HCRTR2: variants seen among roughly 807,000 people sequenced by gnomAD.
HCRTR2 encodes the protein orexin receptor type 2.
Under a neutral mutation model 49.0 loss-of-function variants are expected in HCRTR2, and 22 were observed. The ratio of observed to expected loss-of-function variants is 0.45; its 90% CI spans 0.32 to 0.64. HCRTR2 has a LOEUF of 0.64. Ranked by LOEUF, HCRTR2 falls within the 30% of genes least tolerant of loss-of-function variation. The pLI is 0.04. For missense variants in HCRTR2, 491 were observed against 559.4 expected (o/e 0.88, Z 1.23); for synonymous variants, 236 against 205.3 (o/e 1.15, Z -1.28).
chr6:55,230,993 A>G (rs1324053143), intron 1 of HCRTR2, among the ~76,000 whole-genome samples: 1 of 152,138 alleles, frequency 6.6e-6, no homozygotes, highest in Non-Finnish European at 1.5e-5. Context: ...GTTAGTTGGT[A>G]CTTCCCATAA....
chr6:55,171,398 T>A (rs1256153568), upstream of HCRTR2, among the ~76,000 whole-genome samples: 3 of 152,158 alleles, frequency 2.0e-5, no homozygotes, highest in Non-Finnish European at 2.9e-5. Context: ...TGATTCCTTT[T>A]CCCTACATCC....
intron 1 of HCRTR2, among the ~76,000 whole-genome samples, chr6:55,144,956 G>A (rs1764558835): frequency 6.6e-6 from 1 of 152,060 alleles, no homozygotes; most frequent in Admixed American, 6.5e-5. Context: ...TATTCAAACT[G>A]TCTTTTCTTC....
At chr6:55,227,993 T>C (rs1441375879) in intron 1 of HCRTR2, among the ~76,000 whole-genome samples, 2 of 152,102 alleles carry the variant, frequency 1.3e-5, no homozygotes, top group African/African-American at 4.8e-5. Context: ...GATGAGGTGG[T>C]AGCTTACTTG....
At chr6:55,219,894 G>T (rs1765857710) in intron 1 of HCRTR2, among the ~76,000 whole-genome samples, 2 of 151,912 alleles carry the variant, frequency 1.3e-5, no homozygotes, top group South Asian at 4.1e-4. Flanking sequence ...GAACAATAAA[G>T]ATTTGCAGGC....
intron 6 of HCRTR2, among the ~76,000 whole-genome samples, chr6:55,281,754 G>A (rs144822647): frequency 1.3e-5 from 2 of 152,196 alleles, no homozygotes; most frequent in Admixed American, 6.5e-5. Flanking sequence ...GGATATTTGA[G>A]TGTATGTTTC....
chr6:55,268,945 C>G (rs1766915519), intron 4 of HCRTR2, among the ~76,000 whole-genome samples: 1 of 151,594 alleles, frequency 6.6e-6, no homozygotes, highest in Non-Finnish European at 1.5e-5. Flanking sequence ...AAAAAATTAG[C>G]CGGGTGAGGT....
At chr6:55,113,503 C>T (rs568613058) in intron 1 of HCRTR2, among the ~76,000 whole-genome samples, 42 of 152,028 alleles carry the variant, frequency 2.8e-4, no homozygotes, top group African/African-American at 9.6e-4. Context: ...AGAAGATACA[C>T]AAATGGCCAA....
intron 1 of HCRTR2, among the ~76,000 whole-genome samples, chr6:55,144,017 C>T (rs1411751874): frequency 6.6e-6 from 1 of 151,354 alleles, no homozygotes; most frequent in Non-Finnish European, 1.5e-5. Flanking sequence ...AAAAGGGAAC[C>T]ACAACAGAGC....
intron 1 of HCRTR2, among the ~76,000 whole-genome samples, chr6:55,144,708 G>A (rs529892723): frequency 7.0e-6 from 1 of 143,490 alleles, no homozygotes; most frequent in African/African-American, 2.5e-5. Flanking sequence ...CCACCCACCC[G>A]CCAGTACCCC....
intron 4 of HCRTR2, among the ~76,000 whole-genome samples, chr6:55,275,238 G>C (rs1323377886): frequency 1.3e-5 from 2 of 152,068 alleles, no homozygotes; most frequent in African/African-American, 4.8e-5. Context: ...CATTAAATAT[G>C]ATTTATAAAG....
chr6:55,231,099 A>T (rs1024862524), intron 1 of HCRTR2, among the ~76,000 whole-genome samples: 1 of 152,100 alleles, frequency 6.6e-6, no homozygotes, highest in African/African-American at 2.4e-5. Flanking sequence ...GTTTTTCTAA[A>T]ACACATTATC....
intron 1 of HCRTR2, among the ~76,000 whole-genome samples, chr6:55,181,636 A>C (rs1765135994): frequency 6.6e-6 from 1 of 152,140 alleles, no homozygotes; most frequent in Non-Finnish European, 1.5e-5. Flanking sequence ...GTCTTTTTTA[A>C]TGAAAAAAAA....
intron 1 of HCRTR2, among the ~76,000 whole-genome samples, chr6:55,206,648 C>A (rs1301614811): frequency 6.6e-6 from 1 of 151,798 alleles, no homozygotes; most frequent in African/African-American, 2.4e-5. Flanking sequence ...AGAATTAAGG[C>A]TTATGTTCTT....
At chr6:55,235,720 G>T (rs1438207832) in intron 1 of HCRTR2, among the ~76,000 whole-genome samples, 1 of 151,988 alleles carries the variant, frequency 6.6e-6, no homozygotes, top group African/African-American at 2.4e-5. Flanking sequence ...AGTATCATTT[G>T]TAGAAAAGAT....
At position 55,176,479 on chromosome 6, in the gene HCRTR2, T is replaced by C. The variant is rs114095079; in HGVS notation, c.223+1669T>C. On this transcript the variant is annotated intron_variant, in intron 1 of 6. Coordinates refer to ENST00000370862, the MANE Select transcript of HCRTR2 (RefSeq NM_001384272.1). ...CTCTTAAGACACATGGCTACCAGCA[T>C]AGCAACATTTTACTGCATTATGCCA... is the stretch of plus-strand genomic sequence containing the variant. Among the ~76,000 whole-genome samples, 1,175 of 152,288 alleles carry C rather than the reference T, an allele frequency of 7.7e-3. 9 individuals are homozygous for C. The highest frequency in any genetic ancestry group is 0.027 in the African/African-American group (1,102 of 41,566).
chr6:55,140,659 C>T (rs1000939454), intron 1 of HCRTR2, among the ~76,000 whole-genome samples: 6 of 152,136 alleles, frequency 3.9e-5, no homozygotes, highest in African/African-American at 1.2e-4. Flanking sequence ...TACTCTCTCT[C>T]ACACAAACAC....
chr6:55,172,335 A>G (rs887595469), upstream of HCRTR2, among the ~76,000 whole-genome samples: 1 of 152,242 alleles, frequency 6.6e-6, no homozygotes, highest in East Asian at 1.9e-4. Context: ...GGTTTGCATT[A>G]TAGCATCTAT....
intron 1 of HCRTR2, among the ~76,000 whole-genome samples, chr6:55,160,069 G>C (rs1172334844): frequency 6.6e-6 from 1 of 152,048 alleles, no homozygotes; most frequent in Non-Finnish European, 1.5e-5. Flanking sequence ...CAGGAAAAAA[G>C]TTAAGGGCAG....
rs200663515 is a variant in HCRTR2 at position 55,282,253 on chromosome 6, G to T, written c.1134G>T (p.Ala378=). ...AATTTCGAGAGGAATTTAAAGCTGC[G>T]TTTTCTTGCTGTTGCCTTGGAGTTC... ...SGKFREEFKA[A]FSCCCLGVHH... The change falls in exon 7 of 7, where the codon GCG becomes GCT. Residue 378 remains alanine, a synonymous_variant. Coordinates refer to ENST00000370862, the MANE Select transcript of HCRTR2 (RefSeq NM_001384272.1). The T allele has an allele frequency of 1.2e-6, 2 of 1,613,736 alleles. No individual in the cohort carries two copies. The highest frequency in any genetic ancestry group is 1.7e-6 in the Non-Finnish European group (2 of 1,179,854).
Sources: gnomAD v4.1 joint callset for allele counts (sites outside exome capture counted in the v4.1 genomes callset) on GRCh38, gnomAD v4.1.1 for gene constraint, MANE v1.5 for transcripts, NCBI Gene and HGNC (gene_info 2026-07-23, HGNC 2026-07-21) for gene names.